The following ADRA1B variants were observed in gnomAD, a reference collection of about 807,000 sequenced individuals.
The protein encoded by ADRA1B is alpha-1B adrenergic receptor.
In ADRA1B, 17 loss-of-function variants were observed where a neutral mutation model predicts 17.9. That is an observed-to-expected ratio of 0.95 (90% CI 0.65 to 1.42). The LOEUF (loss-of-function observed/expected upper bound fraction) is 1.42, where lower values mean the gene tolerates loss of function less well. Ranked by LOEUF, ADRA1B falls within the 40% of genes most tolerant of loss-of-function variation. ADRA1B has a pLI of 0.00. For missense variants in ADRA1B, 681 were observed against 722.1 expected, an observed-to-expected ratio of 0.94 and a Z score of 0.65; for synonymous variants, 366 against 327.6, an observed-to-expected ratio of 1.12 and a Z score of -1.27.
intron 1 of ADRA1B, among the ~76,000 whole-genome samples, chr5:159,891,915 T>G (rs1753987321): frequency 6.6e-6 from 1 of 152,094 alleles, no homozygotes; most frequent in Non-Finnish European, 1.5e-5. Flanking sequence ...ATGCTGAAAT[T>G]TGAAAGGGGT....
At chr5:159,924,434 CA>C (rs1754585024) in intron 1 of ADRA1B, among the ~76,000 whole-genome samples, 1 of 151,930 alleles carries the variant, frequency 6.6e-6, no homozygotes, top group African/African-American at 2.4e-5. Context: ...CTAGACACAA[CA>C]AATATTTGTG....
At chr5:159,977,649 A>T (rs1346253346), downstream of ADRA1B, among the ~76,000 whole-genome samples, 1 of 152,226 alleles carries the variant, frequency 6.6e-6, no homozygotes, top group East Asian at 1.9e-4. Flanking sequence ...GTTGACAGCC[A>T]TTCCCTTGGG....
At chr5:159,892,176 G>GC (rs1753989653) in intron 1 of ADRA1B, among the ~76,000 whole-genome samples, 1 of 152,202 alleles carries the variant, frequency 6.6e-6, no homozygotes, top group Admixed American at 6.5e-5. Flanking sequence ...GGTGGAGGTT[G>GC]CAGTGAGCTG....
intron 1 of ADRA1B, among the ~76,000 whole-genome samples, chr5:159,874,752 T>C (rs1252813758): frequency 6.6e-6 from 1 of 152,186 alleles, no homozygotes; most frequent in Non-Finnish European, 1.5e-5. Context: ...ACTTGCCCCC[T>C]TGGGGGTCAG....
chr5:159,984,688 A>G, the ADRA1B span, among the ~76,000 whole-genome samples: 295 of 151,940 alleles, frequency 1.9e-3, 1 homozygote, highest in African/African-American at 6.8e-3. Flanking sequence ...ACCTGAGGTC[A>G]GGAGTTTGAG....
chr5:159,972,316 G>GGCC lies in ADRA1B; in HGVS notation c.1393_1395dup (p.Arg465dup). 7.0e-7 allele frequency: 1 copy of GGCC among 1,429,268 alleles called. No individual in the cohort carries two copies. The highest frequency in any genetic ancestry group is 9.1e-7 in the Non-Finnish European group (1 of 1,096,446). 88.5% of individuals were successfully genotyped at this position (1,429,268 alleles called of 1,614,324 possible). ...GAGCCTGCCCGCGCCTGAGCCCCCCGGCCGCCGCGGCCGCCACGACTCGGG... is the reference window on the plus strand; with the variant it reads ...GAGCCTGCCCGCGCCTGAGCCCCCCGGCCGCCGCCGCGGCCGCCACGACTCGGG... On this transcript the variant is annotated inframe_insertion, in exon 2 of 2. Coordinates refer to ENST00000306675, the MANE Select transcript of ADRA1B (RefSeq NM_000679.4).
intron 1 of ADRA1B, among the ~76,000 whole-genome samples, chr5:159,943,336 G>T (rs905512950): frequency 1.3e-5 from 2 of 152,208 alleles, no homozygotes; most frequent in South Asian, 4.2e-4. Context: ...CTATAATGAG[G>T]TACTTTTTCT....
intron 1 of ADRA1B, among the ~76,000 whole-genome samples, chr5:159,954,107 A>G (rs1755503225): frequency 6.6e-6 from 1 of 152,148 alleles, no homozygotes; most frequent in Admixed American, 6.5e-5. Context: ...AGGAACAGAG[A>G]TGGGAATGGA....
At chr5:159,913,106 T>C (rs1334895708), upstream of ADRA1B, among the ~76,000 whole-genome samples, 1 of 152,178 alleles carries the variant, frequency 6.6e-6, no homozygotes, top group African/African-American at 2.4e-5. Context: ...ACAGGTCAAC[T>C]TCAGTGGCAG....
At chr5:159,898,965 G>A (rs555473179) in intron 1 of ADRA1B, among the ~76,000 whole-genome samples, 16 of 152,140 alleles carry the variant, frequency 1.1e-4, no homozygotes, top group African/African-American at 2.9e-4. Flanking sequence ...ACAACATAGT[G>A]GGACCCCATC....
chr5:159,960,472 C>G (rs571728612), intron 1 of ADRA1B, among the ~76,000 whole-genome samples: 1 of 152,218 alleles, frequency 6.6e-6, no homozygotes, highest in Non-Finnish European at 1.5e-5. Flanking sequence ...CCAAGATACA[C>G]ACAAAAATAG....
At chr5:159,982,818 G>GCCTGCTA in the ADRA1B span, among the ~76,000 whole-genome samples, 1 of 152,178 alleles carries the variant, frequency 6.6e-6, no homozygotes, top group Non-Finnish European at 1.5e-5. Flanking sequence ...GAGGCACGAA[G>GCCTGCTA]CCTGCTACCT....
chr5:159,902,913 C>T (rs367957707), intron 1 of ADRA1B, among the ~76,000 whole-genome samples: 1 of 152,164 alleles, frequency 6.6e-6, no homozygotes, highest in Non-Finnish European at 1.5e-5. Context: ...GTGTCTATTC[C>T]CCTCCTGATG....
At chr5:159,884,081 T>C (rs1753896295) in intron 1 of ADRA1B, among the ~76,000 whole-genome samples, 3 of 152,238 alleles carry the variant, frequency 2.0e-5, no homozygotes, top group Admixed American at 1.3e-4. Context: ...GCAGCCTTTG[T>C]TATGGCCTAA....
At position 159,972,275 on chromosome 5, in the gene ADRA1B, C is replaced by A; in HGVS notation, c.1346C>A (p.Ala449Glu). The A allele has an allele frequency of 7.3e-7, 1 of 1,363,266 alleles. No homozygotes were observed. The highest frequency in any genetic ancestry group is 9.4e-7 in the Non-Finnish European group (1 of 1,060,846). 84.4% of individuals were successfully genotyped at this position (1,363,266 alleles called of 1,614,324 possible). Residue 449 changes from alanine (A) to glutamate (E), a missense_variant, in exon 2 of 2, where the codon GCG becomes GAG. This residue lies in a region of ADRA1B where 251 missense variants were observed against 224.9 expected (regional missense o/e 1.12). Transcript: ENST00000306675. ...VELCAFPEWK[A>E]PGALLSLPAP... ...CTGTGCGCCTTCCCCGAGTGGAAGG[C>A]GCCCGGCGCCCTCCTGAGCCTGCCC...
the ADRA1B span, among the ~76,000 whole-genome samples, chr5:159,982,997 C>G: frequency 3.9e-4 from 59 of 152,362 alleles, 1 homozygote; most frequent in Admixed American, 3.5e-3. Flanking sequence ...CTGACTCAAT[C>G]TGATGTGGAT....
intron 1 of ADRA1B, among the ~76,000 whole-genome samples, chr5:159,892,945 C>T (rs557130852): frequency 2.4e-4 from 37 of 152,274 alleles, no homozygotes; most frequent in African/African-American, 8.4e-4. Flanking sequence ...ATTTACACTC[C>T]CACCAACTGT....
At position 159,948,007 on chromosome 5, in the gene ADRA1B, GCTGT is replaced by G. The variant is rs1352150987; in HGVS notation, c.950-23869_950-23866del. 5.1e-6 allele frequency: 5 copies of G among 985,300 alleles called. No homozygotes were observed. In the African/African-American group the frequency reaches 5.2e-5, roughly 10 times the overall value. The allele number at this position is 985,300 out of a possible 1,614,324, so 61.0% of individuals were successfully genotyped here. A position where few individuals can be genotyped will look rare whatever the true frequency, so the allele number is the denominator to read the frequency against. On this transcript the variant is annotated intron_variant, in intron 1 of 1. Transcript: ENST00000306675. ...AATTGATTTGATCAATTACATTGCTGCTGTCTAATTAGTAAGCATGGCCACACTG... is the reference window on the plus strand; with the variant it reads ...AATTGATTTGATCAATTACATTGCTGCTAATTAGTAAGCATGGCCACACTG...
intron 1 of ADRA1B, among the ~76,000 whole-genome samples, chr5:159,956,941 C>T (rs534774366): frequency 7.7e-4 from 117 of 152,180 alleles, no homozygotes; most frequent in Non-Finnish European, 1.3e-3. Flanking sequence ...GGTGCAATCT[C>T]GGCTCACTGC....
Sources: gnomAD v4.1 joint callset for allele counts (sites outside exome capture counted in the v4.1 genomes callset) on GRCh38, gnomAD v4.1.1 for gene constraint, gnomAD v4.1.1 regional missense constraint, MANE v1.5 for transcripts, NCBI Gene and HGNC (gene_info 2026-07-23, HGNC 2026-07-21) for gene names.